The following GRIK2 variants were observed in gnomAD, a reference collection of about 807,000 sequenced individuals.
GRIK2 encodes glutamate ionotropic receptor kainate type subunit 2.
GRIK2 carries 32 observed loss-of-function variants against 100.3 expected under a neutral mutation model. The ratio of observed to expected loss-of-function variants is 0.32; its 90% CI spans 0.24 to 0.43. GRIK2 has a LOEUF of 0.43. Among genes scored for constraint, GRIK2 ranks in the 20% least tolerant of loss-of-function variants. GRIK2 has a pLI of 1.00. For synonymous variants in GRIK2, 417 were observed against 389.4 expected (o/e 1.07, Z -0.83); for missense variants, 843 against 1,114.9 (o/e 0.76, Z 3.47).
In GRIK2 at chr6:101,478,746, G is replaced by A. The variant is rs188530657; in HGVS notation, c.115+79354G>A. Among the ~76,000 whole-genome samples the A allele has an allele frequency of 4.2e-4, 64 of 151,720 alleles. No individual in the cohort carries two copies. In the South Asian group the frequency reaches 0.012, roughly 29 times the overall value. On this transcript the variant is annotated intron_variant, in intron 2 of 16. Coordinates refer to ENST00000369134, the MANE Select transcript of GRIK2 (RefSeq NM_021956.5). ...TCACCGTGTTAGCCAGGATGGTCTC[G>A]ATCTCCTGACCTCGTGATCCGCTCA...
chr6:101,573,155 T>G (rs937706390), intron 2 of GRIK2, among the ~76,000 whole-genome samples: 4 of 152,116 alleles, frequency 2.6e-5, no homozygotes, highest in Non-Finnish European at 5.9e-5. Context: ...CACTTTAAGT[T>G]TGATAATTCA....
intron 10 of GRIK2, among the ~76,000 whole-genome samples, chr6:101,852,998 C>T (rs980477391): frequency 2.6e-5 from 4 of 152,116 alleles, no homozygotes; most frequent in Non-Finnish European, 5.9e-5. Context: ...CAGACAAGAT[C>T]CTAACTGTTC....
At chr6:101,967,608 C>T (rs1185811071) in intron 14 of GRIK2, among the ~76,000 whole-genome samples, 1 of 151,998 alleles carries the variant, frequency 6.6e-6, no homozygotes, top group African/African-American at 2.4e-5. Context: ...AGTCACGGGT[C>T]AAAAGTGAAC....
chr6:101,862,073 C>G (rs905324157), intron 11 of GRIK2, among the ~76,000 whole-genome samples: 3 of 152,054 alleles, frequency 2.0e-5, no homozygotes, highest in African/African-American at 7.2e-5. Flanking sequence ...TTTTTTAGAA[C>G]TTAAATGATG....
chr6:101,858,017 T>A (rs1582394378), intron 10 of GRIK2, among the ~76,000 whole-genome samples: 1 of 152,290 alleles, frequency 6.6e-6, no homozygotes, highest in African/African-American at 2.4e-5. Context: ...GTTTTCAGAG[T>A]TTCAAGTGTC....
chr6:102,020,825 A>C (rs1320047655), intron 14 of GRIK2, among the ~76,000 whole-genome samples: 13 of 151,914 alleles, frequency 8.6e-5, no homozygotes, highest in Non-Finnish European at 1.8e-4. Context: ...TAATGTGAGA[A>C]TTGTTATTAA....
intron 9 of GRIK2, among the ~76,000 whole-genome samples, chr6:101,806,885 C>T (rs1781039207): frequency 6.6e-6 from 1 of 151,470 alleles, no homozygotes; most frequent in South Asian, 2.1e-4. Flanking sequence ...ATTATTTATT[C>T]ACGTGAACTT....
intron 2 of GRIK2, among the ~76,000 whole-genome samples, chr6:101,485,982 A>G (rs1020432623): frequency 3.2e-4 from 48 of 151,446 alleles, no homozygotes. Context: ...TCTATAAAGC[A>G]TTATATTAAA....
chr6:101,654,227 A>G (rs1781950466), intron 4 of GRIK2, among the ~76,000 whole-genome samples: 1 of 152,126 alleles, frequency 6.6e-6, no homozygotes, highest in Non-Finnish European at 1.5e-5. Context: ...AATCAAGGTC[A>G]TTGTATCTAG....
At chr6:101,901,904 A>T (rs1787870012) in intron 12 of GRIK2, among the ~76,000 whole-genome samples, 1 of 151,976 alleles carries the variant, frequency 6.6e-6, no homozygotes, top group South Asian at 2.1e-4. Flanking sequence ...ATTTAATAGC[A>T]TATTATTACA....
intron 4 of GRIK2, among the ~76,000 whole-genome samples, chr6:101,661,201 T>G (rs1447073397): frequency 6.6e-6 from 1 of 152,156 alleles, no homozygotes; most frequent in African/African-American, 2.4e-5. Flanking sequence ...AGGGGCGATC[T>G]GGCCACTGTG....
chr6:102,011,577 CTTTTTTTTTT>C (rs763369559), intron 14 of GRIK2, among the ~76,000 whole-genome samples: 1 of 76,650 alleles, frequency 1.3e-5, no homozygotes, highest in African/African-American at 6.1e-5. Context: ...CTTTCTTTTC[CTTTTTTTTTT>C]TTTTTTTTTT....
chr6:101,728,061 ATAAT>A lies in GRIK2; in HGVS notation c.951+41710_951+41713del, dbSNP rs1231004137. ...AAATGCAGAAAAAATTGATTTTAAAATAATTCATATAATTATTTTATTGAGATAA... is the reference window on the plus strand; with the variant it reads ...AAATGCAGAAAAAATTGATTTTAAAATCATATAATTATTTTATTGAGATAA... On this transcript the variant is annotated intron_variant, in intron 7 of 16. Coordinates refer to ENST00000369134, the MANE Select transcript of GRIK2 (RefSeq NM_021956.5). Among the ~76,000 whole-genome samples the A allele has an allele frequency of 5.3e-5, 8 of 152,210 alleles. No homozygotes were observed. The East Asian group carries it at 1.2e-3, about 22-fold the overall frequency.
At chr6:101,687,887 G>A (rs1434705984) in intron 7 of GRIK2, among the ~76,000 whole-genome samples, 1 of 151,026 alleles carries the variant, frequency 6.6e-6, no homozygotes, top group East Asian at 1.9e-4. Flanking sequence ...CCTTCAAAGT[G>A]GAGCCAGATT....
At chr6:101,788,956 G>T (rs1162758244) in intron 7 of GRIK2, among the ~76,000 whole-genome samples, 7 of 151,964 alleles carry the variant, frequency 4.6e-5, no homozygotes. Flanking sequence ...TATCTCTGAT[G>T]GCCAGTGATG....
intron 7 of GRIK2, among the ~76,000 whole-genome samples, chr6:101,775,166 A>C (rs1778662373): frequency 6.6e-6 from 1 of 152,176 alleles, no homozygotes; most frequent in South Asian, 2.1e-4. Context: ...GCCACATTTT[A>C]GGCTGTATTT....
chr6:101,946,639 C>T (rs1791297054), intron 14 of GRIK2, among the ~76,000 whole-genome samples: 1 of 152,062 alleles, frequency 6.6e-6, no homozygotes, highest in African/African-American at 2.4e-5. Flanking sequence ...GTGTCTTCAT[C>T]GAAGCCATGA....
At chr6:101,708,178 A>T in intron 7 of GRIK2, among the ~76,000 whole-genome samples, 1 of 151,810 alleles carries the variant, frequency 6.6e-6, no homozygotes, top group East Asian at 1.9e-4. Flanking sequence ...TTTATTCCGT[A>T]TTTAACACTA....
chr6:101,829,969 G>A (rs1487149124), intron 10 of GRIK2, among the ~76,000 whole-genome samples: 3 of 151,584 alleles, frequency 2.0e-5, no homozygotes, highest in African/African-American at 4.8e-5. Context: ...GAATATCTAC[G>A]GCAACTCTAT....
Sources: allele counts gnomAD v4.1 joint callset (sites outside exome capture counted in the v4.1 genomes callset), GRCh38; gene constraint gnomAD v4.1.1; transcripts MANE v1.5; gene names NCBI Gene and HGNC (gene_info 2026-07-23, HGNC 2026-07-21).